KCNH8: variants seen among roughly 807,000 people sequenced by gnomAD.
The protein encoded by KCNH8 is voltage-gated delayed rectifier potassium channel KCNH8.
In KCNH8, 70 loss-of-function variants were observed where a neutral mutation model predicts 103.6. The observed-to-expected ratio is 0.68, with a 90% CI of 0.56 to 0.82. KCNH8 has a LOEUF of 0.82. Among genes scored for constraint, KCNH8 ranks in the 40% least tolerant of loss-of-function variants. KCNH8 has a pLI of 0.00. For missense variants in KCNH8, 1,217 were observed against 1,329.9 expected (o/e 0.92, Z 1.32); for synonymous variants, 498 against 489.4 (o/e 1.02, Z -0.23).
At chr3:19,204,624 A>G (rs1159026782) in intron 1 of KCNH8, among the ~76,000 whole-genome samples, 1 of 152,088 alleles carries the variant, frequency 6.6e-6, no homozygotes, top group South Asian at 2.1e-4. Context: ...GGAGGGAAGC[A>G]TAATGTATTG....
chr3:19,510,992 T>C (rs2068773824), intron 12 of KCNH8, among the ~76,000 whole-genome samples: 2 of 151,802 alleles, frequency 1.3e-5, no homozygotes, highest in Admixed American at 1.3e-4. Flanking sequence ...TCAAATAGGG[T>C]TTACTTTTTA....
intron 3 of KCNH8, among the ~76,000 whole-genome samples, chr3:19,293,112 A>G (rs543619075): frequency 1.3e-5 from 2 of 152,328 alleles, no homozygotes; most frequent in South Asian, 2.1e-4. Context: ...TATGCCAGAC[A>G]TATTATCCCA....
chr3:19,456,069 A>G (rs2067527813), intron 10 of KCNH8, among the ~76,000 whole-genome samples: 1 of 152,114 alleles, frequency 6.6e-6, no homozygotes, highest in African/African-American at 2.4e-5. Context: ...TATTGACAAC[A>G]ATAAATCAGA....
chr3:19,395,070 G>T (rs777977711), intron 6 of KCNH8, 34 bp from the exon 7 acceptor site: 2 of 1,499,214 alleles, frequency 1.3e-6, no homozygotes, highest in Admixed American at 3.3e-5. Context: ...TTTAACACAT[G>T]CACCAAGTTG....
chr3:19,403,754 A>G (rs985306412), intron 7 of KCNH8, among the ~76,000 whole-genome samples: 1 of 151,934 alleles, frequency 6.6e-6, no homozygotes, highest in Middle Eastern at 3.4e-3. Flanking sequence ...CCACAGTGTC[A>G]TCATATTCCT....
At chr3:19,258,831 C>A (rs2064379902) in intron 2 of KCNH8, among the ~76,000 whole-genome samples, 1 of 150,756 alleles carries the variant, frequency 6.6e-6, no homozygotes, top group African/African-American at 2.4e-5. Context: ...ATCTTCTGCT[C>A]TAGTTGGTCA....
chr3:19,288,584 T>C (rs1575498110), intron 3 of KCNH8, among the ~76,000 whole-genome samples: 1 of 152,202 alleles, frequency 6.6e-6, no homozygotes, highest in Non-Finnish European at 1.5e-5. Flanking sequence ...GGCTGCAAAG[T>C]ATTCCATGGT....
intron 1 of KCNH8, among the ~76,000 whole-genome samples, chr3:19,219,435 T>G (rs1575445432): frequency 6.6e-6 from 1 of 152,194 alleles, no homozygotes; most frequent in African/African-American, 2.4e-5. Context: ...CTTTTTTTAT[T>G]CTGTTGTAAT....
chr3:19,225,188 A>T (rs1320943607), intron 1 of KCNH8, among the ~76,000 whole-genome samples: 1 of 151,992 alleles, frequency 6.6e-6, no homozygotes, highest in African/African-American at 2.4e-5. Context: ...GTAGAGATAT[A>T]ATAGAGTAGC....
intron 2 of KCNH8, among the ~76,000 whole-genome samples, chr3:19,276,524 G>C (rs889774354): frequency 6.6e-6 from 1 of 152,026 alleles, no homozygotes. Flanking sequence ...TTGACCTATT[G>C]TGTTATATTG....
intron 3 of KCNH8, among the ~76,000 whole-genome samples, chr3:19,285,701 T>TAA (rs200066593): frequency 7.5e-5 from 10 of 133,322 alleles, no homozygotes; most frequent in African/African-American, 1.4e-4. Context: ...GTTGACATAG[T>TAA]AAAAAAAAAA....
At chr3:19,499,828 C>A (rs1383682761) in intron 11 of KCNH8, among the ~76,000 whole-genome samples, 1 of 152,126 alleles carries the variant, frequency 6.6e-6, no homozygotes, top group Non-Finnish European at 1.5e-5. Flanking sequence ...CCAGCCGCTG[C>A]AAAATCATGC....
At chr3:19,518,553 T>C (rs1407463363) in intron 15 of KCNH8, among the ~76,000 whole-genome samples, 2 of 152,046 alleles carry the variant, frequency 1.3e-5, no homozygotes, top group Non-Finnish European at 2.9e-5. Context: ...TTTACCTCTC[T>C]AAATCTTACT....
At chr3:19,225,847 G>A (rs1404322412) in intron 1 of KCNH8, among the ~76,000 whole-genome samples, 1 of 152,140 alleles carries the variant, frequency 6.6e-6, no homozygotes, top group Non-Finnish European at 1.5e-5. Context: ...TATTCATTTA[G>A]AATACTTGTG....
At chr3:19,488,319 A>G (rs2125221560) in intron 11 of KCNH8, among the ~76,000 whole-genome samples, 1 of 152,314 alleles carries the variant, frequency 6.6e-6, no homozygotes, top group South Asian at 2.1e-4. Context: ...GCGGCCAGTA[A>G]GTTGGCGTTT....
chr3:19,281,251 G>T lies in KCNH8; in HGVS notation c.364G>T (p.Asp122Tyr). The change falls in exon 3 of 16, where the codon GAT becomes TAT. Residue 122 changes from aspartate (D) to tyrosine (Y), a missense_variant. Coordinates refer to ENST00000328405, the MANE Select transcript of KCNH8 (RefSeq NM_144633.3). ...TGTTCCCATAAAGAATGAAAAAGGA[G>T]ATGTAGTACTTTTTCTGGCCTCGTT... ...DIVPIKNEKG[D>Y]VVLFLASFKD... is the part of the protein sequence containing the mutation. 1 of 1,610,588 alleles carries T rather than the reference G, an allele frequency of 6.2e-7. No individual in the cohort carries two copies. Among genetic ancestry groups the T allele is most frequent in the Non-Finnish European group, 8.5e-7 (1 of 1,177,356 alleles).
chr3:19,224,527 C>T (rs375484843), intron 1 of KCNH8, among the ~76,000 whole-genome samples: 2 of 146,884 alleles, frequency 1.4e-5, no homozygotes, highest in Admixed American at 6.8e-5. Context: ...GAAGAACTAA[C>T]TTTTATTAAG....
intron 7 of KCNH8, among the ~76,000 whole-genome samples, chr3:19,435,049 CA>C (rs2067177816): frequency 1.3e-5 from 2 of 152,070 alleles, no homozygotes; most frequent in Admixed American, 1.3e-4. Context: ...ACCACACACA[CA>C]CACAAAAAGA....
intron 1 of KCNH8, among the ~76,000 whole-genome samples, chr3:19,179,649 T>G (rs1286832671): frequency 6.6e-6 from 1 of 152,142 alleles, no homozygotes; most frequent in African/African-American, 2.4e-5. Context: ...ATCATTCTCT[T>G]TATTGTTTCC....
Sources: gnomAD v4.1 joint callset for allele counts (sites outside exome capture counted in the v4.1 genomes callset) on GRCh38, gnomAD v4.1.1 for gene constraint, MANE v1.5 for transcripts, NCBI Gene and HGNC (gene_info 2026-07-23, HGNC 2026-07-21) for gene names.